AGBL4: variants seen among roughly 807,000 people sequenced by gnomAD.
The protein encoded by AGBL4 is cytosolic carboxypeptidase 6.
AGBL4 carries 58 observed loss-of-function variants against 66.4 expected under a neutral mutation model. The ratio of observed to expected loss-of-function variants is 0.87; its 90% CI spans 0.71 to 1.09. The LOEUF (loss-of-function observed/expected upper bound fraction) is 1.09. Among genes scored for constraint, AGBL4 ranks in the 50% least tolerant of loss-of-function variants. The pLI, the probability that AGBL4 is intolerant of heterozygous loss-of-function variation, is 0.00. For missense variants in AGBL4, 579 were observed against 631.0 expected (o/e 0.92, Z 0.88); for synonymous variants, 234 against 222.9 (o/e 1.05, Z -0.44).
intron 3 of AGBL4, among the ~76,000 whole-genome samples, chr1:49,646,386 T>C (rs1645888294): frequency 6.6e-6 from 1 of 151,900 alleles, no homozygotes; most frequent in African/African-American, 2.4e-5. Flanking sequence ...TGTATTTCTA[T>C]GCACAAGCAA....
chr1:49,591,690 C>T (rs1456131741), intron 3 of AGBL4, among the ~76,000 whole-genome samples: 2 of 152,156 alleles, frequency 1.3e-5, no homozygotes, highest in Non-Finnish European at 2.9e-5. Context: ...TCAAACTATA[C>T]TACAGGGCTA....
At chr1:48,572,745 A>T (rs1430679006) in intron 11 of AGBL4, among the ~76,000 whole-genome samples, 1 of 152,148 alleles carries the variant, frequency 6.6e-6, no homozygotes, top group Non-Finnish European at 1.5e-5. Context: ...CCTCCAGAGC[A>T]TAGGTCTTAG....
chr1:48,588,547 T>C (rs1644859876), intron 10 of AGBL4, among the ~76,000 whole-genome samples: 1 of 152,122 alleles, frequency 6.6e-6, no homozygotes, highest in South Asian at 2.1e-4. Context: ...ACCATGGTTT[T>C]AATAAGAGAA....
chr1:49,457,382 T>C (rs993420633), intron 3 of AGBL4, among the ~76,000 whole-genome samples: 3 of 151,756 alleles, frequency 2.0e-5, no homozygotes, highest in Admixed American at 1.3e-4. Context: ...CTTTTGAGAA[T>C]TGTCTATTCA....
intron 6 of AGBL4, among the ~76,000 whole-genome samples, chr1:48,775,167 T>C (rs886686400): frequency 1.1e-4 from 16 of 152,158 alleles, no homozygotes; most frequent in African/African-American, 3.9e-4. Flanking sequence ...TCTTTGGCCC[T>C]AGGTGTCTGG....
intron 8 of AGBL4, among the ~76,000 whole-genome samples, chr1:48,638,999 C>T (rs1645713310): frequency 6.6e-6 from 1 of 152,134 alleles, no homozygotes; most frequent in Non-Finnish European, 1.5e-5. Flanking sequence ...TCAGGTGTCC[C>T]GTTCTGGACT....
chr1:49,824,940 T>C (rs4244636), intron 2 of AGBL4, among the ~76,000 whole-genome samples: 1 of 151,876 alleles, frequency 6.6e-6, no homozygotes, highest in Non-Finnish European at 1.5e-5. Context: ...CTATTGCTAT[T>C]TTTTGGTTTG....
At chr1:48,956,184 G>T (rs1345532754) in intron 5 of AGBL4, among the ~76,000 whole-genome samples, 1 of 152,164 alleles carries the variant, frequency 6.6e-6, no homozygotes, top group Non-Finnish European at 1.5e-5. Flanking sequence ...GCCAATGCAG[G>T]ACTGCTTTGG....
At chr1:48,545,328 T>C (rs1644141585) in intron 11 of AGBL4, among the ~76,000 whole-genome samples, 1 of 152,098 alleles carries the variant, frequency 6.6e-6, no homozygotes, top group South Asian at 2.1e-4. Flanking sequence ...CTCTTTCCCT[T>C]CCCCCTCCAA....
intron 3 of AGBL4, among the ~76,000 whole-genome samples, chr1:49,421,102 C>T (rs1645536695): frequency 6.6e-6 from 1 of 152,114 alleles, no homozygotes; most frequent in African/African-American, 2.4e-5. Flanking sequence ...ATTGACTATA[C>T]CACTTAAAAT....
intron 1 of AGBL4, among the ~76,000 whole-genome samples, chr1:49,894,726 A>G (rs1358829113): frequency 7.2e-5 from 11 of 152,164 alleles, no homozygotes; most frequent in Admixed American, 7.2e-4. Context: ...CAGAGGATAC[A>G]AAAGAAAAAA....
rs146222865 is a variant in AGBL4, at chr1:48,796,471, G to T, written c.634+70720C>A. On this transcript the variant is annotated intron_variant, in intron 6 of 13. Transcript: ENST00000371839. Reference sequence around the variant, plus strand: ...AGCTCTTTCCTTTAAGGAGCTCCCAGTCATAAAACAGGCCACTCTCAGACA... The same window carrying T: ...AGCTCTTTCCTTTAAGGAGCTCCCATTCATAAAACAGGCCACTCTCAGACA... Among the ~76,000 whole-genome samples the T allele has an allele frequency of 6.4e-3, 694 of 108,326 alleles. 1 individual carries two copies. The highest frequency in any genetic ancestry group is 0.011 in the Non-Finnish European group (515 of 49,044). The allele number at this position is 108,326 out of a possible 152,430, so 71.1% of individuals were successfully genotyped here.
chr1:49,123,132 C>A (rs983839903), intron 4 of AGBL4, among the ~76,000 whole-genome samples: 12 of 152,294 alleles, frequency 7.9e-5, no homozygotes, highest in African/African-American at 2.9e-4. Flanking sequence ...GGATTACAGG[C>A]ATGAGCCACT....
At chr1:49,017,316 A>AGTTTCTTGAATGACTTTT (rs1362072404) in intron 5 of AGBL4, among the ~76,000 whole-genome samples, 1 of 152,158 alleles carries the variant, frequency 6.6e-6, no homozygotes, top group African/African-American at 2.4e-5. Context: ...TACAACTTTG[A>AGTTTCTTGAATGACTTTT]GTTTCTTGAA....
chr1:49,395,775 A>T (rs1450426890), intron 3 of AGBL4, among the ~76,000 whole-genome samples: 1 of 141,168 alleles, frequency 7.1e-6, no homozygotes. Flanking sequence ...ACATATATAT[A>T]CATGTGTATA....
At chr1:48,569,105 T>G (rs1370824405) in intron 11 of AGBL4, among the ~76,000 whole-genome samples, 2 of 152,242 alleles carry the variant, frequency 1.3e-5, no homozygotes, top group African/African-American at 4.8e-5. Flanking sequence ...GCTTTGACCC[T>G]GGGCCCATTA....
Position 49,459,877 on chromosome 1 carries a change from C to G in AGBL4, c.283-214013G>C, listed in dbSNP as rs1426202456. Among the ~76,000 whole-genome samples the G allele has an allele frequency of 3.3e-5, 5 of 151,614 alleles. No individual in the cohort carries two copies. The South Asian group carries it at 6.2e-4, about 19-fold the overall frequency. ...GTTGTGTCACTATTATCTTTCAATT[C>G]AAATAATTTTTTAAATTTCCATCTT... On this transcript the variant is annotated intron_variant, in intron 3 of 13. Coordinates refer to ENST00000371839, the MANE Select transcript of AGBL4 (RefSeq NM_032785.4).
Position 48,634,548 on chromosome 1 carries a change from A to G in AGBL4, c.896T>C (p.Val299Ala). 6.2e-7 allele frequency: 1 copy of G among 1,606,942 alleles called. No homozygotes were observed. The highest frequency in any genetic ancestry group is 1.1e-5 in the South Asian group (1 of 89,170). The change falls in exon 9 of 14, where the codon GTC (valine) becomes GCC (alanine). Residue 299 changes from valine to alanine, a missense_variant. Physicochemically the swap from Val to Ala is moderately conservative, Grantham distance 64. Transcript: ENST00000371839. ...TTTCACTCCATGCAGGGTAGGATGG[A>G]CCCATGGAGAGGGATCCAGCCAGTG... is the stretch of plus-strand genomic sequence containing the variant. ...NRHWLDPSPWVHPTLHGVKQL... is the reference protein window; with the variant it reads ...NRHWLDPSPWAHPTLHGVKQL...
At chr1:49,723,394 C>T (rs147199268) in intron 2 of AGBL4, among the ~76,000 whole-genome samples, 1 of 152,096 alleles carries the variant, frequency 6.6e-6, no homozygotes, top group Non-Finnish European at 1.5e-5. Context: ...GCCTATACTC[C>T]CTTTTCTGCC....
Sources: gnomAD v4.1 joint callset for allele counts (sites outside exome capture counted in the v4.1 genomes callset) on GRCh38, gnomAD v4.1.1 for gene constraint, MANE v1.5 for transcripts, NCBI Gene and HGNC (gene_info 2026-07-23, HGNC 2026-07-21) for gene names.